ENPP6: variants seen among roughly 807,000 people sequenced by gnomAD.
The protein encoded by ENPP6 is glycerophosphocholine cholinephosphodiesterase ENPP6.
Under a neutral mutation model 42.0 loss-of-function variants are expected in ENPP6, and 32 were observed. The observed-to-expected ratio is 0.76, with a 90% confidence interval of 0.58 to 1.02. ENPP6 has a LOEUF of 1.02. ENPP6 is among the 50% of genes least tolerant of loss of function. ENPP6 has a pLI of 0.00. For missense variants in ENPP6, 552 were observed against 566.8 expected (o/e 0.97, Z 0.27); for synonymous variants, 213 against 216.0 (o/e 0.99, Z 0.12).
chr4:184,208,950 T>C (rs1221706780), intron 1 of ENPP6, among the ~76,000 whole-genome samples: 1 of 141,978 alleles, frequency 7.0e-6, no homozygotes, highest in Non-Finnish European at 1.5e-5. Context: ...GCAGCCTAAC[T>C]GGGAGGCACC....
chr4:184,112,757 G>A lies in ENPP6; in HGVS notation c.908C>T (p.Ala303Val), dbSNP rs779216094. The A allele has an allele frequency of 1.9e-6, 3 of 1,613,928 alleles. No homozygotes were observed. Among genetic ancestry groups the A allele is most frequent in the African/African-American group, 2.7e-5 (2 of 74,880 alleles). The change falls in exon 6 of 8, where the codon GCC becomes GTC. Residue 303 changes from alanine (A) to valine (V), a missense_variant. Ala to Val is a moderately conservative substitution (Grantham distance 64, BLOSUM62 0). Coordinates refer to ENST00000296741, the MANE Select transcript of ENPP6 (RefSeq NM_153343.4). ...CTTGTAATAGAACCTGCTTGGGATG[G>A]CTTCTTTCTCGTAGACAGTCATGTG... ...VEHMTVYEKE[A>V]IPSRFYYKKG...
In ENPP6 at chr4:184,089,237, A is replaced by C. The variant is rs1579600877; in HGVS notation, c.*1940T>G. 6.6e-6 allele frequency: 1 copy of C among 152,200 alleles called. No homozygotes were observed. Among genetic ancestry groups the C allele is most frequent in the African/African-American group, 2.4e-5 (1 of 41,446 alleles). 9.4% of individuals were successfully genotyped at this position (152,200 alleles called of 1,614,324 possible). A position where few individuals can be genotyped will look rare whatever the true frequency, so the allele number is the denominator to read the frequency against. On this transcript the variant is annotated 3_prime_UTR_variant, in exon 8 of 8. Transcript: ENST00000296741. ...AAAACACATTACATAAATCTTTAGA[A>C]ATCTTTTGTGAAGGTAAATTCAGTA...
chr4:184,208,163 C>T (rs2871396), intron 1 of ENPP6, among the ~76,000 whole-genome samples: 2 of 152,102 alleles, frequency 1.3e-5, no homozygotes, highest in Admixed American at 6.5e-5. Flanking sequence ...CACCCATTCG[C>T]GAGTGTTCTG....
Position 184,173,513 on chromosome 4 carries a change from A to G in ENPP6, c.242-19780T>C, listed in dbSNP as rs576296501. Among the ~76,000 whole-genome samples the G allele has an allele frequency of 3.2e-3, 494 of 152,302 alleles. 1 individual carries two copies. Among genetic ancestry groups the G allele is most frequent in the Non-Finnish European group, 5.7e-3 (386 of 68,028 alleles). On this transcript the variant is annotated intron_variant, in intron 1 of 7. Coordinates refer to ENST00000296741, the MANE Select transcript of ENPP6 (RefSeq NM_153343.4). ...TCTAAGGGCAATGTTTTTGTGAAAT[A>G]AATTTTTTGCCTACTTGTAGCTGGT... is the stretch of plus-strand genomic sequence containing the variant.
intron 6 of ENPP6, among the ~76,000 whole-genome samples, chr4:184,100,800 A>G (rs578251342): frequency 6.6e-6 from 1 of 152,234 alleles, no homozygotes; most frequent in Non-Finnish European, 1.5e-5. Flanking sequence ...GGAGAAGCCC[A>G]TGATTTCAGG....
In ENPP6 at chr4:184,124,171, C is replaced by G; in HGVS notation, c.523G>C (p.Asp175His). 2 of 1,613,622 alleles carry G rather than the reference C, an allele frequency of 1.2e-6. No individual in the cohort carries two copies. The highest frequency in any genetic ancestry group is 1.7e-5 in the Admixed American group (1 of 60,010). ...NFANAVSDAL[D>H]SFKSGRADLA... ...GTTTGGGACACTTACTTGAAGGAGT[C>G]AAGAGCATCGCTGACTGCATTGGCA... Residue 175 changes from aspartate to histidine, a missense_variant, in exon 3 of 8, where the codon GAC becomes CAC. Asp to His is a moderately conservative substitution (Grantham distance 81, BLOSUM62 -1). Around this residue, in one of 2 missense-constraint regions of ENPP6, gnomAD observed 545 missense variants for 546.3 expected, o/e 1.00. Coordinates refer to ENST00000296741, the MANE Select transcript of ENPP6 (RefSeq NM_153343.4).
Position 184,117,788 on chromosome 4 carries a change from C to T in ENPP6, c.646G>A (p.Val216Ile). ...ATCCACTTGGTCATGTACTTCAGGA[C>T]AGTGTCTACAGCCTTGAGGGCATCT... The part of the protein sequence containing the change: ...RKDALKAVDT[V>I]LKYMTKWIQE... Residue 216 changes from valine (V) to isoleucine (I), a missense_variant, in exon 4 of 8, where the codon GTC (valine) becomes ATC (isoleucine). Val to Ile is a conservative substitution (Grantham distance 29). Coordinates refer to ENST00000296741, the MANE Select transcript of ENPP6 (RefSeq NM_153343.4). The T allele has an allele frequency of 1.2e-6, 2 of 1,614,230 alleles. No individual in the cohort carries two copies. The highest frequency in any genetic ancestry group is 2.2e-5 in the South Asian group (2 of 91,082).
intron 1 of ENPP6, among the ~76,000 whole-genome samples, chr4:184,192,892 A>G (rs1018762600): frequency 2.6e-5 from 4 of 152,238 alleles, no homozygotes; most frequent in African/African-American, 9.6e-5. Context: ...TAAAACAACC[A>G]TGAAATGCCA....
intron 1 of ENPP6, among the ~76,000 whole-genome samples, chr4:184,180,968 C>T (rs555961996): frequency 4.2e-4 from 64 of 152,340 alleles, no homozygotes; most frequent in African/African-American, 1.5e-3. Context: ...GGTGTTCTCT[C>T]TCACCATTCC....
rs184026370 is a variant in ENPP6 at position 184,140,128 on chromosome 4, A to C, written c.421+13426T>G. ...GGCCAGTGATGGTGAGCATTTTTTC[A>C]TGTGTTTTTTGGCTGCATAAATGTC... On this transcript the variant is annotated intron_variant, in intron 2 of 7. Transcript: ENST00000296741. Among the ~76,000 whole-genome samples, 1,206 of 151,496 alleles carry C rather than the reference A, an allele frequency of 8.0e-3. 22 individuals carry two copies. Among genetic ancestry groups the C allele is most frequent in the African/African-American group, 0.028 (1,143 of 41,092 alleles).
At chr4:184,179,899 A>G (rs1279946402) in intron 1 of ENPP6, among the ~76,000 whole-genome samples, 1 of 151,476 alleles carries the variant, frequency 6.6e-6, no homozygotes, top group Non-Finnish European at 1.5e-5. Flanking sequence ...TATAGCACTG[A>G]ATGGCCACAT....
intron 2 of ENPP6, among the ~76,000 whole-genome samples, chr4:184,144,035 A>C (rs1364076373): frequency 6.6e-5 from 10 of 152,162 alleles, no homozygotes; most frequent in African/African-American, 2.4e-4. Context: ...TCAGCTAGGA[A>C]AGGTGCAGCA....
chr4:184,153,483 T>A, intron 2 of ENPP6, 71 bp downstream of exon 2: 1 of 1,483,622 alleles, frequency 6.7e-7, no homozygotes, highest in African/African-American at 1.4e-5. Context: ...CTTCAAACAG[T>A]AACTTGACAC....
At chr4:184,147,470 A>G (rs182438290) in intron 2 of ENPP6, among the ~76,000 whole-genome samples, 53 of 152,274 alleles carry the variant, frequency 3.5e-4, no homozygotes, top group African/African-American at 1.2e-3. Flanking sequence ...GTGACTTCTC[A>G]TTCATTTCAC....
At chr4:184,116,834 GC>G in intron 5 of ENPP6, 21 bp downstream of exon 5, 1 of 1,611,296 alleles carries the variant, frequency 6.2e-7, no homozygotes. Flanking sequence ...GCCCTCCTCC[GC>G]CCCCCACGGG....
rs556012002 is a variant in ENPP6 at position 184,199,282 on chromosome 4, C to T, written c.241+18297G>A. Among the ~76,000 whole-genome samples the T allele has an allele frequency of 3.0e-4, 45 of 152,204 alleles. No homozygotes were observed. In the East Asian group the frequency reaches 3.1e-3, roughly 10 times the overall value. On this transcript the variant is annotated intron_variant, in intron 1 of 7. Transcript: ENST00000296741. ...GTGGGCTCTGTGATGAGATATCTCA[C>T]GGGCTGGGGGGCTGTTGTCAGGAGT...
intron 1 of ENPP6, among the ~76,000 whole-genome samples, chr4:184,167,462 A>G (rs1393426294): frequency 6.6e-6 from 1 of 152,206 alleles, no homozygotes; most frequent in Non-Finnish European, 1.5e-5. Context: ...TTACCAGAAT[A>G]TTAGTGGATC....
chr4:184,091,512 G>A (rs1277604761), intron 7 of ENPP6, 130 bp from the exon 8 acceptor site: 2 of 823,172 alleles, frequency 2.4e-6, no homozygotes, highest in African/African-American at 1.7e-5. Flanking sequence ...CCATCAGTGG[G>A]GTGTGGCCTA....
intron 5 of ENPP6, among the ~76,000 whole-genome samples, chr4:184,113,502 G>C (rs1184414108): frequency 6.6e-6 from 1 of 152,160 alleles, no homozygotes; most frequent in Non-Finnish European, 1.5e-5. Flanking sequence ...AGGGTCTGCT[G>C]TAACATTACC....
Sources: gnomAD v4.1 joint callset for allele counts (sites outside exome capture counted in the v4.1 genomes callset) on GRCh38, gnomAD v4.1.1 for gene constraint, gnomAD v4.1.1 regional missense constraint, MANE v1.5 for transcripts, NCBI Gene and HGNC (gene_info 2026-07-23, HGNC 2026-07-21) for gene names.